The following NFIA variants were observed in gnomAD, a reference collection of about 807,000 sequenced individuals.
The protein encoded by NFIA is nuclear factor I A, also known as nuclear factor 1 A-type.
In NFIA, 8 loss-of-function variants were observed where a neutral mutation model predicts 62.8. The ratio of observed to expected loss-of-function variants is 0.13; its 90% CI spans 0.07 to 0.23. The LOEUF (loss-of-function observed/expected upper bound fraction) is 0.23. Ranked by LOEUF, NFIA falls within the 10% of genes least tolerant of loss-of-function variation. NFIA has a pLI of 1.00. For synonymous variants in NFIA, 235 were observed against 238.1 expected (o/e 0.99, Z 0.12); for missense variants, 410 against 642.1 (o/e 0.64, Z 3.91).
At chr1:61,418,539 T>G (rs1332485503) in intron 9 of NFIA, among the ~76,000 whole-genome samples, 1 of 152,208 alleles carries the variant, frequency 6.6e-6, no homozygotes, top group Non-Finnish European at 1.5e-5. Context: ...TCATTTTCTG[T>G]GCATATTTTA....
intron 6 of NFIA, among the ~76,000 whole-genome samples, chr1:61,364,848 A>G (rs542126647): frequency 2.0e-5 from 3 of 152,152 alleles, no homozygotes; most frequent in African/African-American, 7.2e-5. Flanking sequence ...CCCATATGAG[A>G]CACTTCAGAC....
At chr1:61,130,628 C>T (rs916099576) in intron 2 of NFIA, among the ~76,000 whole-genome samples, 1 of 152,138 alleles carries the variant, frequency 6.6e-6, no homozygotes. Flanking sequence ...TGGCAAATTG[C>T]GAAGCTGTAA....
At chr1:61,411,248 T>C (rs920844984) in intron 9 of NFIA, among the ~76,000 whole-genome samples, 2 of 151,642 alleles carry the variant, frequency 1.3e-5, no homozygotes, top group Non-Finnish European at 2.9e-5. Context: ...GGAAGGCAGA[T>C]GTGGGGGAAA....
At chr1:61,240,775 A>C (rs1454640799) in intron 2 of NFIA, among the ~76,000 whole-genome samples, 1 of 152,098 alleles carries the variant, frequency 6.6e-6, no homozygotes, top group Non-Finnish European at 1.5e-5. Flanking sequence ...ACCAGTGCAA[A>C]ATTGTCATTT....
At chr1:61,393,309 C>T (rs1358487974) in intron 7 of NFIA, among the ~76,000 whole-genome samples, 1 of 42,532 alleles carries the variant, frequency 2.4e-5, no homozygotes, top group African/African-American at 2.8e-4. Context: ...CTCTCCCTCT[C>T]TCCCCGTCTC....
At chr1:61,219,124 C>T (rs333141) in intron 2 of NFIA, among the ~76,000 whole-genome samples, 10,735 of 151,286 alleles carry the variant, frequency 0.071, 478 homozygotes, top group East Asian at 0.2. Flanking sequence ...CCCAGTTACT[C>T]GAGAGGCTGA....
At chr1:61,111,981 A>G (rs1309744219) in intron 2 of NFIA, among the ~76,000 whole-genome samples, 1 of 151,340 alleles carries the variant, frequency 6.6e-6, no homozygotes, top group Non-Finnish European at 1.5e-5. Context: ...AGATTCCCAC[A>G]CTTTTCTACC....
At chr1:61,417,409 T>C (rs1475759896) in intron 9 of NFIA, among the ~76,000 whole-genome samples, 1 of 150,758 alleles carries the variant, frequency 6.6e-6, no homozygotes, top group East Asian at 1.9e-4. Flanking sequence ...AAATAATTTT[T>C]ACCTATATTC....
intron 7 of NFIA, among the ~76,000 whole-genome samples, chr1:61,400,815 A>C (rs2100515651): frequency 6.6e-6 from 1 of 152,326 alleles, no homozygotes; most frequent in Non-Finnish European, 1.5e-5. Flanking sequence ...TAATTGATTT[A>C]ACCCCAGTGG....
At chr1:61,144,390 T>C (rs1355347111) in intron 2 of NFIA, among the ~76,000 whole-genome samples, 1 of 152,236 alleles carries the variant, frequency 6.6e-6, no homozygotes, top group African/African-American at 2.4e-5. Flanking sequence ...CTTTGTCTCC[T>C]GATTCATTCC....
intron 3 of NFIA, among the ~76,000 whole-genome samples, chr1:61,307,875 C>A (rs1659884568): frequency 6.6e-6 from 1 of 152,176 alleles, no homozygotes; most frequent in Non-Finnish European, 1.5e-5. Context: ...TTAGAAAATA[C>A]AGGCTGTCTT....
intron 2 of NFIA, among the ~76,000 whole-genome samples, chr1:61,144,597 AG>A (rs1327840435): frequency 1.3e-5 from 2 of 152,198 alleles, no homozygotes; most frequent in Admixed American, 6.5e-5. Flanking sequence ...AGAACTTGGG[AG>A]AGTTAGGAAA....
rs1393222808 is a variant in NFIA, at chr1:61,460,623, G to A, written c.*5303G>A. ...CTTTTTGGTCATTGTTATAATGCCAGCTTTAGGACAGAAAGAATTATAAGA... is the reference window on the plus strand; with the variant it reads ...CTTTTTGGTCATTGTTATAATGCCAACTTTAGGACAGAAAGAATTATAAGA... On this transcript the variant is annotated 3_prime_UTR_variant, in exon 11 of 11. Coordinates refer to ENST00000403491, the MANE Select transcript of NFIA (RefSeq NM_001134673.4). 5 of 152,178 alleles carry A rather than the reference G, an allele frequency of 3.3e-5. No homozygotes were observed. The highest frequency in any genetic ancestry group is 7.3e-5 in the Non-Finnish European group (5 of 68,028). The allele number at this position is 152,178 out of a possible 1,614,324, so 9.4% of individuals were successfully genotyped here.
chr1:61,188,835 A>T (rs1180251119), intron 2 of NFIA, among the ~76,000 whole-genome samples: 1 of 152,216 alleles, frequency 6.6e-6, no homozygotes, highest in Non-Finnish European at 1.5e-5. Flanking sequence ...TTAAAGTCAT[A>T]CTAATTGGTG....
intron 2 of NFIA, among the ~76,000 whole-genome samples, chr1:61,184,379 A>T (rs1000200846): frequency 3.9e-5 from 6 of 152,200 alleles, no homozygotes; most frequent in Admixed American, 3.9e-4. Flanking sequence ...TTTCTAAAAA[A>T]CTTGCTACCT....
intron 2 of NFIA, among the ~76,000 whole-genome samples, chr1:61,254,552 A>G (rs1053980894): frequency 6.6e-6 from 1 of 152,228 alleles, no homozygotes; most frequent in Non-Finnish European, 1.5e-5. Flanking sequence ...AGATTAGTAC[A>G]TAGAACAGTT....
At chr1:61,372,636 T>C (rs1663954780) in intron 6 of NFIA, among the ~76,000 whole-genome samples, 1 of 152,116 alleles carries the variant, frequency 6.6e-6, no homozygotes, top group Non-Finnish European at 1.5e-5. Context: ...ACTCATGTAG[T>C]TGTGTGATTT....
chr1:61,442,274 C>T (rs1272147707), intron 10 of NFIA, among the ~76,000 whole-genome samples: 1 of 152,100 alleles, frequency 6.6e-6, no homozygotes, highest in South Asian at 2.1e-4. Context: ...TTTGATCAAG[C>T]AAACACGCTT....
intron 2 of NFIA, among the ~76,000 whole-genome samples, chr1:61,185,606 T>C (rs1163090409): frequency 6.6e-6 from 1 of 151,804 alleles, no homozygotes; most frequent in East Asian, 1.9e-4. Context: ...ATGATCTGTC[T>C]GGCTTCTGTA....
Sources: allele counts gnomAD v4.1 joint callset (sites outside exome capture counted in the v4.1 genomes callset), GRCh38; gene constraint gnomAD v4.1.1; transcripts MANE v1.5; gene names NCBI Gene and HGNC (gene_info 2026-07-23, HGNC 2026-07-21).